Variants in PLXNA1 observed in about 807,000 individuals in gnomAD.
The protein encoded by PLXNA1 is plexin-A1.
Under a neutral mutation model 191.7 loss-of-function variants are expected in PLXNA1, and 77 were observed. That is an observed-to-expected ratio of 0.40 (90% confidence interval 0.33 to 0.49). The LOEUF is 0.49. PLXNA1 is among the 20% of genes least tolerant of loss of function. The pLI, the probability that PLXNA1 is intolerant of heterozygous loss-of-function variation, is 0.63. For synonymous variants in PLXNA1, 1,137 were observed against 1,156.4 expected (o/e 0.98, Z 0.34); for missense variants, 2,110 against 2,660.2 (o/e 0.79, Z 4.55).
In PLXNA1 at chr3:127,017,665, G is replaced by A; in HGVS notation, c.3516+1G>A. ...GCCCAGCTCCCCACTCATCCTCAAG[G>A]TGGGTCACCATTGCCCGTAGGCTGG... On this transcript the variant is annotated splice_donor_variant, in intron 18 of 31. Coordinates refer to ENST00000393409, the MANE Select transcript of PLXNA1 (RefSeq NM_032242.4). LOFTEE classifies it high-confidence loss of function. 1 of 1,613,294 alleles carries A rather than the reference G, an allele frequency of 6.2e-7. No homozygotes were observed. Among genetic ancestry groups the A allele is most frequent in the Non-Finnish European group, 8.5e-7 (1 of 1,179,990 alleles).
Position 126,989,664 on chromosome 3 carries a change from G to A in PLXNA1, c.1071G>A (p.Leu357=), listed in dbSNP as rs2078980387. The A allele has an allele frequency of 6.2e-7, 1 of 1,613,166 alleles. No individual in the cohort carries two copies. The highest frequency in any genetic ancestry group is 2.2e-5 in the East Asian group (1 of 44,876). ...NRVKPPKESA[L]CLFTLRAIKE... Reference sequence around the variant, plus strand: ...TGAAGCCACCAAAGGAGTCAGCACTGTGCCTGTTCACGCTCAGGGCCATCA... The same window carrying A: ...TGAAGCCACCAAAGGAGTCAGCACTATGCCTGTTCACGCTCAGGGCCATCA... Residue 357 remains leucine, a synonymous_variant, in exon 2 of 32, where the codon CTG becomes CTA. Transcript: ENST00000393409.
intron 9 of PLXNA1, 26 bp downstream of exon 9, chr3:127,007,939 A>G: frequency 6.7e-7 from 1 of 1,490,770 alleles, no homozygotes; most frequent in Middle Eastern, 1.7e-4. Context: ...GGTGAGGGTC[A>G]GGTTTTCAGA....
Position 127,005,240 on chromosome 3 carries a change from C to G in PLXNA1, c.1894C>G (p.Gln632Glu), listed in dbSNP as rs1370432756. Residue 632 changes from glutamine (Q) to glutamate (E), a missense_variant, in exon 7 of 32, where the codon CAG becomes GAG. Gln to Glu is a conservative substitution (Grantham distance 29). Transcript: ENST00000393409. Reference sequence around the variant, plus strand: ...GGAGGTGGCGCCCATCACGCGGGGCCAGGGTGAGTGGCCCCAACACAATGG... The same window carrying G: ...GGAGGTGGCGCCCATCACGCGGGGCGAGGGTGAGTGGCCCCAACACAATGG... ...AREVAPITRG[Q>E]GDQRVVKLYL... The G allele has an allele frequency of 1.9e-6, 3 of 1,603,844 alleles. No individual in the cohort carries two copies. The Admixed American group carries it at 5.1e-5, about 27-fold the overall frequency.
At chr3:126,990,766 C>A (rs1413260645) in intron 2 of PLXNA1, among the ~76,000 whole-genome samples, 1 of 152,210 alleles carries the variant, frequency 6.6e-6, no homozygotes, top group East Asian at 1.9e-4. Flanking sequence ...TTGGCAGATG[C>A]GGTTGTCCAC....
intron 29 of PLXNA1, 50 bp from the exon 30 acceptor site, chr3:127,032,337 C>G: frequency 6.3e-7 from 1 of 1,579,108 alleles, no homozygotes; most frequent in Non-Finnish European, 8.7e-7. Context: ...GGTCACTGCT[C>G]AGGAGGGAGC....
intron 31 of PLXNA1, 106 bp downstream of exon 31, chr3:127,032,942 G>A: frequency 2.4e-6 from 3 of 1,238,344 alleles, no homozygotes; most frequent in Non-Finnish European, 3.4e-6. Flanking sequence ...TCTCTGGGCT[G>A]CCACTGACCA....
intron 9 of PLXNA1, 87 bp downstream of exon 9, chr3:127,008,000 T>C: frequency 1.2e-6 from 1 of 846,546 alleles, no homozygotes; most frequent in Non-Finnish European, 1.9e-6. Context: ...GCCTGAGGCC[T>C]GGCCCAGGGA....
At chr3:127,007,981 C>T in intron 9 of PLXNA1, 68 bp downstream of exon 9, 3 of 1,064,034 alleles carry the variant, frequency 2.8e-6, no homozygotes, top group Admixed American at 1.9e-5. Context: ...GACATCCCAT[C>T]TGGGTGTCGC....
chr3:126,992,131 A>G (rs1467632731), intron 3 of PLXNA1, among the ~76,000 whole-genome samples: 1 of 152,164 alleles, frequency 6.6e-6, no homozygotes, highest in Admixed American at 6.5e-5. Context: ...GGGGAGGGCT[A>G]GGTGCTACAG....
At chr3:127,014,920 T>TCTGG in intron 14 of PLXNA1, 89 bp downstream of exon 14, 2 of 1,527,772 alleles carry the variant, frequency 1.3e-6, no homozygotes, top group East Asian at 4.7e-5. Context: ...GGGCCCCTTG[T>TCTGG]CTGGCCATGC....
chr3:127,034,251 G>A lies in PLXNA1; in HGVS notation c.*234G>A. ...ACACAGCTGCTTGCTCAGGGGCCGG[G>A]ACAGCACTGGGTGCTCAGGCTGGCC... On this transcript the variant is annotated 3_prime_UTR_variant, in exon 32 of 32. Transcript: ENST00000393409. The A allele has an allele frequency of 2.1e-6, 1 of 480,422 alleles. No homozygotes were observed. Among genetic ancestry groups the A allele is most frequent in the Non-Finnish European group, 3.7e-6 (1 of 268,610 alleles). The allele number at this position is 480,422 out of a possible 1,614,324, so 29.8% of individuals were successfully genotyped here. A position where few individuals can be genotyped will look rare whatever the true frequency, so the allele number is the denominator to read the frequency against.
rs768641110 is a variant in PLXNA1 at position 126,992,468 on chromosome 3, G to A, written c.1377+902G>A. 3.5e-4 allele frequency among the ~76,000 whole-genome samples: 54 copies of A among 152,162 alleles called. 1 individual carries two copies. Among genetic ancestry groups the A allele is most frequent in the Non-Finnish European group, 1.6e-4 (11 of 68,008 alleles). On this transcript the variant is annotated intron_variant, in intron 3 of 31. Transcript: ENST00000393409. ...GCCAGGGCTTGCAGCTCTCAGCCCG[G>A]TGCCCAGTGTTAGGAAGGGGGCCTC...
chr3:126,989,297 C>G lies in PLXNA1; in HGVS notation c.704C>G (p.Thr235Arg). 1 of 1,613,714 alleles carries G rather than the reference C, an allele frequency of 6.2e-7. No homozygotes were observed. The highest frequency in any genetic ancestry group is 8.5e-7 in the Non-Finnish European group (1 of 1,180,048). ...TCACAGCTCAAGATCCCTTCGGACA[C>G]GCTGTCCAAGTTCCCGGCCTTTGAC... ...VSSQLKIPSD[T>R]LSKFPAFDIY... is the part of the protein sequence containing the mutation. Residue 235 changes from threonine (T) to arginine (R), a missense_variant, in exon 2 of 32, where the codon ACG becomes AGG. Physicochemically the swap from Thr to Arg is moderately conservative, Grantham distance 71 (BLOSUM62 -1). Around this residue, in one of 4 missense-constraint regions of PLXNA1, gnomAD observed 903 missense variants for 1,015.7 expected, o/e 0.89. Coordinates refer to ENST00000393409, the MANE Select transcript of PLXNA1 (RefSeq NM_032242.4).
chr3:127,022,428 C>A, intron 22 of PLXNA1, 87 bp downstream of exon 22: 1 of 1,508,088 alleles, frequency 6.6e-7, no homozygotes, highest in Admixed American at 1.9e-5. Context: ...AGAGACGTTG[C>A]TGTGGCAGTT....
chr3:126,998,121 G>T (rs1216468951), intron 3 of PLXNA1, among the ~76,000 whole-genome samples: 1 of 152,214 alleles, frequency 6.6e-6, no homozygotes, highest in Non-Finnish European at 1.5e-5. Context: ...CAAGGAACAG[G>T]AGGGCCAAAG....
At chr3:126,996,365 C>T (rs1459585386) in intron 3 of PLXNA1, among the ~76,000 whole-genome samples, 2 of 152,110 alleles carry the variant, frequency 1.3e-5, no homozygotes, top group African/African-American at 4.8e-5. Flanking sequence ...GCTTTAGAGG[C>T]CTCTTTGCAC....
At chr3:127,006,946 G>A (rs1189054868) in intron 8 of PLXNA1, among the ~76,000 whole-genome samples, 3 of 152,240 alleles carry the variant, frequency 2.0e-5, no homozygotes, top group African/African-American at 7.2e-5. Flanking sequence ...GAGACAGGAG[G>A]TGCGTGGCTT....
Position 127,014,835 on chromosome 3 carries a change from A to C in PLXNA1, c.2877+4A>C, listed in dbSNP as rs769448513. ...ACCCAAGCGCTTCACCTTCGTGGTG[A>C]GTCTGCTGCCCTCCCTCTCTCCCTA... On this transcript the variant is annotated splice_donor_region_variant and intron_variant, in intron 14 of 31. Transcript: ENST00000393409. The C allele has an allele frequency of 1.9e-6, 3 of 1,610,884 alleles. No homozygotes were observed. The highest frequency in any genetic ancestry group is 2.5e-6 in the Non-Finnish European group (3 of 1,179,054).
chr3:126,985,539 C>T (rs1434466710), intron 1 of PLXNA1, among the ~76,000 whole-genome samples: 1 of 152,060 alleles, frequency 6.6e-6, no homozygotes, highest in Non-Finnish European at 1.5e-5. Context: ...CACCAGCTCC[C>T]AGGCTACCTG....
Sources: gnomAD v4.1 joint callset for allele counts (sites outside exome capture counted in the v4.1 genomes callset) on GRCh38, gnomAD v4.1.1 for gene constraint, gnomAD v4.1.1 regional missense constraint, MANE v1.5 for transcripts, NCBI Gene and HGNC (gene_info 2026-07-23, HGNC 2026-07-21) for gene names.